PLCB1: variants seen among roughly 807,000 people sequenced by gnomAD.
PLCB1 encodes the protein 1-phosphatidylinositol 4,5-bisphosphate phosphodiesterase beta-1.
A neutral mutation model predicts 161.8 loss-of-function variants in PLCB1; 46 were observed. That is an observed-to-expected ratio of 0.28 (90% CI 0.22 to 0.36). The LOEUF (loss-of-function observed/expected upper bound fraction) is 0.36, where lower values mean the gene tolerates loss of function less well. PLCB1 is among the 10% of genes least tolerant of loss of function. The probability of loss-of-function intolerance (pLI) is 1.00; values close to 1 mark genes in which losing one functional copy is unlikely to be tolerated. For synonymous variants in PLCB1, 517 were observed against 503.7 expected (o/e 1.03, Z -0.35); for missense variants, 1,016 against 1,472.5 (o/e 0.69, Z 5.07).
At chr20:8,274,179 A>G (rs1982420293) in intron 2 of PLCB1, among the ~76,000 whole-genome samples, 1 of 152,100 alleles carries the variant, frequency 6.6e-6, no homozygotes, top group African/African-American at 2.4e-5. Context: ...ACACACACAC[A>G]TTTGTGTTTG....
intron 3 of PLCB1, among the ~76,000 whole-genome samples, chr20:8,431,270 T>C (rs996928702): frequency 3.9e-5 from 6 of 152,210 alleles, no homozygotes; most frequent in African/African-American, 1.2e-4. Context: ...CAAGAGGCTA[T>C]TTTCACTGTT....
intron 31 of PLCB1, among the ~76,000 whole-genome samples, chr20:8,853,846 G>T (rs1337024460): frequency 6.6e-6 from 1 of 152,156 alleles, no homozygotes; most frequent in African/African-American, 2.4e-5. Context: ...TTATGTGATT[G>T]TGTGTGTAAG....
At chr20:8,627,288 T>TAAAATAAATTTA (rs1477472674) in intron 3 of PLCB1, among the ~76,000 whole-genome samples, 1 of 152,218 alleles carries the variant, frequency 6.6e-6, no homozygotes, top group Admixed American at 6.5e-5. Flanking sequence ...GTGGTTTATT[T>TAAAATAAATTTA]AAACATCTAC....
chr20:8,315,237 A>G (rs1984587476), intron 2 of PLCB1, among the ~76,000 whole-genome samples: 1 of 152,192 alleles, frequency 6.6e-6, no homozygotes, highest in South Asian at 2.1e-4. Context: ...AGTAACATAT[A>G]TGTAGGGACA....
intron 3 of PLCB1, among the ~76,000 whole-genome samples, chr20:8,627,852 G>A (rs953501969): frequency 5.9e-5 from 9 of 152,200 alleles, no homozygotes; most frequent in African/African-American, 7.2e-5. Context: ...GCAGGTCTAC[G>A]CTGAGAGCCA....
At chr20:8,228,032 G>A (rs1330153925) in intron 2 of PLCB1, among the ~76,000 whole-genome samples, 2 of 152,092 alleles carry the variant, frequency 1.3e-5, no homozygotes, top group Non-Finnish European at 2.9e-5. Flanking sequence ...TAAAAAGTGT[G>A]AAAAATAAAA....
chr20:8,501,458 C>T (rs1353317725), intron 3 of PLCB1, among the ~76,000 whole-genome samples: 1 of 152,186 alleles, frequency 6.6e-6, no homozygotes, highest in Non-Finnish European at 1.5e-5. Flanking sequence ...GGCAGCGGGT[C>T]CAATCCAGGT....
chr20:8,303,299 A>G (rs1364552701), intron 2 of PLCB1, among the ~76,000 whole-genome samples: 2 of 152,186 alleles, frequency 1.3e-5, no homozygotes, highest in African/African-American at 2.4e-5. Context: ...GCTGGGCACA[A>G]TTTGCCTTTA....
chr20:8,836,723 A>T lies in PLCB1; in HGVS notation c.3424-44899A>T, dbSNP rs138126613. Among the ~76,000 whole-genome samples the T allele has an allele frequency of 1.8e-4, 28 of 152,318 alleles. 1 individual carries two copies. The highest frequency in any genetic ancestry group is 6.7e-4 in the African/African-American group (28 of 41,568). ...AGCAAAGATTTTGGTGACTGTGTAT[A>T]TGATGCTTTTGAACATGATTGGCAA... is the stretch of plus-strand genomic sequence containing the variant. On this transcript the variant is annotated intron_variant, in intron 31 of 31. Coordinates refer to ENST00000338037, the MANE Select transcript of PLCB1 (RefSeq NM_015192.4).
chr20:8,531,377 CTAGAT>C (rs1471961776), intron 3 of PLCB1, among the ~76,000 whole-genome samples: 4 of 151,908 alleles, frequency 2.6e-5, no homozygotes, highest in African/African-American at 9.7e-5. Context: ...TCCAAACCAA[CTAGAT>C]TAAATACATT....
At chr20:8,223,169 A>G (rs919245800) in intron 2 of PLCB1, among the ~76,000 whole-genome samples, 1 of 152,176 alleles carries the variant, frequency 6.6e-6, no homozygotes, top group African/African-American at 2.4e-5. Flanking sequence ...TTGCATTTCT[A>G]TTATGGAAGC....
chr20:8,732,861 TTAGA>T (rs1980345847), intron 18 of PLCB1, among the ~76,000 whole-genome samples: 2 of 141,996 alleles, frequency 1.4e-5, no homozygotes, highest in Non-Finnish European at 1.5e-5. Flanking sequence ...ATATTATATA[TTAGA>T]TATATTATAT....
intron 31 of PLCB1, among the ~76,000 whole-genome samples, chr20:8,798,641 G>C (rs1208267056): frequency 6.6e-6 from 1 of 152,132 alleles, no homozygotes; most frequent in African/African-American, 2.4e-5. Context: ...CAATGGGCAG[G>C]GGAAGTGATT....
chr20:8,238,867 G>GGC (rs1555792219), intron 2 of PLCB1, among the ~76,000 whole-genome samples: 3 of 150,246 alleles, frequency 2.0e-5, no homozygotes, highest in African/African-American at 7.3e-5. Flanking sequence ...ATGGGTGGCT[G>GGC]GGGGGAAGAC....
Position 8,655,420 on chromosome 20 carries a change from G to A in PLCB1, c.595-1764G>A, listed in dbSNP as rs139428239. 1.1e-3 allele frequency among the ~76,000 whole-genome samples: 167 copies of A among 152,156 alleles called. 1 individual carries two copies. The highest frequency in any genetic ancestry group is 4.0e-3 in the African/African-American group (165 of 41,528). ...CTAGCTCGTGTACATCTGCAGATTA[G>A]CAAAGACTAGACAGAATTGTATAGC... On this transcript the variant is annotated intron_variant, in intron 7 of 31. Coordinates refer to ENST00000338037, the MANE Select transcript of PLCB1 (RefSeq NM_015192.4).
chr20:8,581,520 A>T (rs1986832566), intron 3 of PLCB1, among the ~76,000 whole-genome samples: 2 of 152,200 alleles, frequency 1.3e-5, no homozygotes, highest in African/African-American at 4.8e-5. Context: ...GAAGTTTTTA[A>T]TTAGAATAGA....
At chr20:8,551,057 A>G (rs1199875712) in intron 3 of PLCB1, among the ~76,000 whole-genome samples, 4 of 152,208 alleles carry the variant, frequency 2.6e-5, no homozygotes, top group Non-Finnish European at 5.9e-5. Flanking sequence ...ACTGATTAAC[A>G]CAAATAATTG....
At position 8,683,572 on chromosome 20, in the gene PLCB1, C is replaced by T. The variant is rs188883788; in HGVS notation, c.863-1360C>T. Among the ~76,000 whole-genome samples, 26 of 152,182 alleles carry T rather than the reference C, an allele frequency of 1.7e-4. No individual in the cohort carries two copies. In the East Asian group the frequency reaches 3.3e-3, roughly 19 times the overall value. ...ATTATGACAAAAAATTGTCTCAATA[C>T]GTGTATCAAAACATCCAGTTGTACA... On this transcript the variant is annotated intron_variant, in intron 9 of 31. Coordinates refer to ENST00000338037, the MANE Select transcript of PLCB1 (RefSeq NM_015192.4).
At chr20:8,199,965 T>C (rs901292675) in intron 2 of PLCB1, among the ~76,000 whole-genome samples, 6 of 152,138 alleles carry the variant, frequency 3.9e-5, no homozygotes, top group African/African-American at 1.2e-4. Flanking sequence ...TAAGTTTACA[T>C]AGGACCAAGT....
Sources: gnomAD v4.1 joint callset for allele counts (sites outside exome capture counted in the v4.1 genomes callset) on GRCh38, gnomAD v4.1.1 for gene constraint, MANE v1.5 for transcripts, NCBI Gene and HGNC (gene_info 2026-07-23, HGNC 2026-07-21) for gene names.